Variants in PRSS23 observed in about 807,000 individuals in gnomAD.
PRSS23 encodes the protein serine protease 23, also known as protease, serine 23.
In PRSS23, 25 loss-of-function variants were observed where a neutral mutation model predicts 34.7. That is an observed-to-expected ratio of 0.72 (90% CI 0.53 to 1.01). The LOEUF (loss-of-function observed/expected upper bound fraction) is 1.01. PRSS23 is among the 50% of genes least tolerant of loss of function. The probability of loss-of-function intolerance (pLI) is 0.00; values close to 1 mark genes in which losing one functional copy is unlikely to be tolerated. For synonymous variants in PRSS23, 176 were observed against 186.6 expected, an observed-to-expected ratio of 0.94 and a Z score of 0.46; for missense variants, 445 against 475.6, an observed-to-expected ratio of 0.94 and a Z score of 0.60.
At chr11:86,943,019 G>A (rs1949216465) in intron 2 of PRSS23, among the ~76,000 whole-genome samples, 1 of 152,192 alleles carries the variant, frequency 6.6e-6, no homozygotes, top group South Asian at 2.1e-4. Flanking sequence ...GCTAAAATGG[G>A]AAAGAGAAAA....
At chr11:86,946,008 T>C (rs1052816823) in intron 2 of PRSS23, 1 of 152,548 alleles carries the variant, frequency 6.6e-6, no homozygotes, top group Non-Finnish European at 1.5e-5. Flanking sequence ...TCACATTTTA[T>C]CTTTTTTTCA....
intron 2 of PRSS23, among the ~76,000 whole-genome samples, chr11:86,838,678 T>C (rs1182476531): frequency 6.6e-6 from 1 of 152,068 alleles, no homozygotes; most frequent in Non-Finnish European, 1.5e-5. Flanking sequence ...CTCAAGTGGG[T>C]CCCTGAACCC....
chr11:86,884,275 A>T (rs1053812315), intron 2 of PRSS23, among the ~76,000 whole-genome samples: 13 of 152,216 alleles, frequency 8.5e-5, no homozygotes, highest in Non-Finnish European at 1.9e-4. Flanking sequence ...ATTGCCAACA[A>T]AATATTCTTG....
intron 2 of PRSS23, among the ~76,000 whole-genome samples, chr11:86,931,621 G>A (rs1831048658): frequency 6.6e-6 from 1 of 152,166 alleles, no homozygotes; most frequent in Non-Finnish European, 1.5e-5. Context: ...TTATTCTGGG[G>A]CGATGGAAAT....
intron 2 of PRSS23, among the ~76,000 whole-genome samples, chr11:86,840,265 G>T (rs1361550060): frequency 1.3e-5 from 2 of 152,086 alleles, no homozygotes; most frequent in Non-Finnish European, 2.9e-5. Context: ...GATCTACCAA[G>T]CAAATGGAAA....
intron 2 of PRSS23, among the ~76,000 whole-genome samples, chr11:86,855,713 C>T (rs1289890228): frequency 6.6e-6 from 1 of 152,198 alleles, no homozygotes; most frequent in Non-Finnish European, 1.5e-5. Flanking sequence ...CCAGTCTGAT[C>T]TCCAACTCCT....
chr11:86,893,072 G>A (rs1430996332), intron 2 of PRSS23, among the ~76,000 whole-genome samples: 1 of 152,146 alleles, frequency 6.6e-6, no homozygotes, highest in African/African-American at 2.4e-5. Context: ...GACAGAAAAG[G>A]GCACAGAGAG....
chr11:86,888,260 G>A (rs995485568), intron 2 of PRSS23, among the ~76,000 whole-genome samples: 1 of 152,122 alleles, frequency 6.6e-6, no homozygotes. Flanking sequence ...CAGTCAAGGG[G>A]AATTTTAAAA....
intron 2 of PRSS23, among the ~76,000 whole-genome samples, chr11:86,858,797 ACTC>A (rs1948591496): frequency 6.6e-6 from 1 of 151,428 alleles, no homozygotes; most frequent in South Asian, 2.1e-4. Flanking sequence ...GAGGGTGTAC[ACTC>A]CTCCTATAAT....
At chr11:86,831,964 T>C (rs1262525495) in intron 2 of PRSS23, among the ~76,000 whole-genome samples, 2 of 151,940 alleles carry the variant, frequency 1.3e-5, no homozygotes, top group South Asian at 2.1e-4. Context: ...ATATTATTCG[T>C]AATATCCTAG....
intron 2 of PRSS23, chr11:86,940,979 G>A (rs988637637): frequency 5.3e-4 from 80 of 152,306 alleles, no homozygotes; most frequent in African/African-American, 1.9e-3. Flanking sequence ...CCTAGAAAAG[G>A]TGGTCAGATG....
At position 86,808,521 on chromosome 11, in the gene PRSS23, G is replaced by A. The variant is rs1298990923; in HGVS notation, c.878G>A (p.Arg293His). The change falls in exon 2 of 2, where the codon CGC becomes CAC. Residue 293 changes from arginine (R) to histidine (H), a missense_variant. Physicochemically the swap from Arg to His is conservative, Grantham distance 29 (BLOSUM62 0). Transcript: ENST00000280258. The stretch of plus-strand genomic sequence containing the variant: ...GACCGACCAGGCAATTTGGTGTATC[G>A]CTTCTGTGACGTCAAAGACGAGACC... ...DNDRPGNLVY[R>H]FCDVKDETYD... 3.7e-6 allele frequency: 6 copies of A among 1,614,184 alleles called. No individual in the cohort carries two copies. The highest frequency in any genetic ancestry group is 1.6e-4 in the Middle Eastern group (1 of 6,062).
At position 86,863,308 on chromosome 11, in the gene PRSS23, T is replaced by C. The variant is rs1948628419; in HGVS notation, c.206+39715T>C. On this transcript the variant is annotated intron_variant, in intron 2 of 2. Transcript: ENST00000533902. ...ATATTGGATGTACACCCTCTGATAT[T>C]ATTTGAAATATCCTATGCCTTCATA... Among the ~76,000 whole-genome samples, 4 of 152,214 alleles carry C rather than the reference T, an allele frequency of 2.6e-5. No homozygotes were observed. In the South Asian group the frequency reaches 8.3e-4, roughly 32 times the overall value.
At chr11:86,917,470 T>A (rs1949021161) in intron 2 of PRSS23, among the ~76,000 whole-genome samples, 1 of 152,258 alleles carries the variant, frequency 6.6e-6, no homozygotes, top group Non-Finnish European at 1.5e-5. Context: ...TCACTGATTT[T>A]CAGTTTCCTT....
At position 86,808,668 on chromosome 11, in the gene PRSS23, G is replaced by A. The variant is rs1169792480; in HGVS notation, c.1025G>A (p.Gly342Glu). 2 of 1,614,138 alleles carry A rather than the reference G, an allele frequency of 1.2e-6. No homozygotes were observed. Among genetic ancestry groups the A allele is most frequent in the Non-Finnish European group, 1.7e-6 (2 of 1,180,020 alleles). ...WERKIIGIFSGHQWVDMNGSP... is the reference protein window; with the variant it reads ...WERKIIGIFSEHQWVDMNGSP... ...CGAAAAATTATTGGCATTTTTTCAGGGCACCAGTGGGTGGACATGAATGGT... is the reference window on the plus strand; with the variant it reads ...CGAAAAATTATTGGCATTTTTTCAGAGCACCAGTGGGTGGACATGAATGGT... The change falls in exon 2 of 2, where the codon GGG becomes GAG. Residue 342 changes from glycine (G) to glutamate (E), a missense_variant. Transcript: ENST00000280258.
At chr11:86,829,156 C>T (rs1483026365) in intron 2 of PRSS23, among the ~76,000 whole-genome samples, 2 of 152,212 alleles carry the variant, frequency 1.3e-5, no homozygotes, top group African/African-American at 2.4e-5. Context: ...TTGGTCTTTT[C>T]ACATAGTCCC....
At chr11:86,836,149 T>A (rs1948403685) in intron 2 of PRSS23, among the ~76,000 whole-genome samples, 1 of 152,118 alleles carries the variant, frequency 6.6e-6, no homozygotes, top group South Asian at 2.1e-4. Context: ...TACAGCTGGG[T>A]ATAGAGGGAC....
chr11:86,952,374 A>G lies in PRSS23; in HGVS notation c.*1089A>G. On this transcript the variant is annotated 3_prime_UTR_variant, in exon 3 of 3. Coordinates refer to the PRSS23 transcript ENST00000533902. ...CCAAATTCCTTCAGGACGGGTTCAC[A>G]GCGTCTCTTGACTGAAAGACACATG... 1 of 1,614,238 alleles carries G rather than the reference A, an allele frequency of 6.2e-7. No homozygotes were observed. The highest frequency in any genetic ancestry group is 1.3e-5 in the African/African-American group (1 of 75,058).
At position 86,808,288 on chromosome 11, in the gene PRSS23, G is replaced by A. The variant is rs775934574; in HGVS notation, c.645G>A (p.Glu215=). The part of the protein sequence containing the change: ...GANDSTSAMP[E]QMKFQWIRVK... ...ACGACTCCACTTCAGCCATGCCCGA[G>A]CAGATGAAATTTCAGTGGATCCGGG... Residue 215 remains glutamate, a synonymous_variant, in exon 2 of 2, where the codon GAG becomes GAA. Coordinates refer to ENST00000280258, the MANE Select transcript of PRSS23 (RefSeq NM_007173.6). 4.2e-5 allele frequency: 68 copies of A among 1,614,004 alleles called. No individual in the cohort carries two copies. The highest frequency in any genetic ancestry group is 5.5e-5 in the Non-Finnish European group (65 of 1,180,052).
Sources: allele counts gnomAD v4.1 joint callset (sites outside exome capture counted in the v4.1 genomes callset), GRCh38; gene constraint gnomAD v4.1.1; transcripts MANE v1.5; gene names NCBI Gene and HGNC (gene_info 2026-07-23, HGNC 2026-07-21).